TCEANC: variants seen among roughly 807,000 people sequenced by gnomAD.
TCEANC encodes transcription elongation factor A N-terminal and central domain-containing protein.
TCEANC carries 8 observed loss-of-function variants against 8.7 expected under a neutral mutation model. The ratio of observed to expected loss-of-function variants is 0.92; its 90% CI spans 0.54 to 1.65. TCEANC has a LOEUF of 1.65. Among genes scored for constraint, TCEANC ranks in the 40% most tolerant of loss-of-function variants. The pLI is 0.00. For synonymous variants in TCEANC, 78 were observed against 92.9 expected (o/e 0.84, Z 0.92); for missense variants, 255 against 251.9 (o/e 1.01, Z -0.08).
chrX:13,664,524 G>T (rs1251087025), exon 2 of TCEANC: 1 of 122,852 alleles, frequency 8.1e-6, no homozygotes, highest in African/African-American at 3.3e-5. Context: ...TTTCGTAGTT[G>T]TTTTTTGTTT....
At chrX:13,655,071 C>T (rs751544964), upstream of TCEANC, among the ~76,000 whole-genome samples, 3 of 111,214 alleles carry the variant, frequency 2.7e-5, no homozygotes, top group Non-Finnish European at 5.6e-5. Flanking sequence ...TTAACAACAA[C>T]AAAAATGTGT....
intron 1 of TCEANC, among the ~76,000 whole-genome samples, chrX:13,657,668 C>G (rs1326498231): frequency 9.1e-6 from 1 of 109,299 alleles, no homozygotes; most frequent in African/African-American, 3.3e-5. Context: ...AGTAGCCGGG[C>G]GTGGTGGCAC....
At chrX:13,662,619 T>C in exon 2 of TCEANC, 2 of 1,211,859 alleles carry the variant, frequency 1.7e-6, no homozygotes, top group Non-Finnish European at 2.2e-6. Context: ...AAACAATTTA[T>C]GTGACTAAGG....
intron 1 of TCEANC, among the ~76,000 whole-genome samples, chrX:13,658,730 A>T (rs774900764): frequency 9.0e-6 from 1 of 111,718 alleles, no homozygotes; most frequent in African/African-American, 3.3e-5. Flanking sequence ...ACTGCATCTC[A>T]AACAGGTGCA....
In TCEANC at chrX:13,662,500, G is replaced by A. The variant is rs757704577; in HGVS notation, c.-8-1G>A. 5.5e-5 allele frequency: 66 copies of A among 1,189,846 alleles called. No homozygotes were observed. Among genetic ancestry groups the A allele is most frequent in the Non-Finnish European group, 7.4e-5 (66 of 887,039 alleles). On this transcript the variant is annotated splice_acceptor_variant, in intron 1 of 1. Transcript: ENST00000380600. LOFTEE classifies it low-confidence loss of function (5UTR_SPLICE). ...AACTGAAACCTCTTTTTTCTTTGCA[G>A]CTGTAAAGATGTCTGACAAGAACCA...
At chrX:13,663,190 G>T (rs768724105) in exon 2 of TCEANC, 3 of 1,205,638 alleles carry the variant, frequency 2.5e-6, no homozygotes, top group African/African-American at 3.5e-5. Flanking sequence ...CAGAAGCAAA[G>T]TTGCCAATTT....
At chrX:13,664,795 A>G (rs1602682461) in exon 2 of TCEANC, 1 of 123,749 alleles carries the variant, frequency 8.1e-6, no homozygotes, top group South Asian at 3.7e-4. Flanking sequence ...ACCAGTTTAT[A>G]TAATTGTTTG....
At chrX:13,656,292 G>A (rs1053703112) in intron 1 of TCEANC, among the ~76,000 whole-genome samples, 2 of 112,382 alleles carry the variant, frequency 1.8e-5, no homozygotes, top group African/African-American at 6.5e-5. Flanking sequence ...TTTAGGCTCA[G>A]CATCTAGCAC....
exon 2 of TCEANC, chrX:13,663,717 A>C: frequency 1.9e-6 from 1 of 524,823 alleles, no homozygotes; most frequent in Non-Finnish European, 3.0e-6. Flanking sequence ...ACCATCCCTA[A>C]AAGTTACAGT....
chrX:13,662,966 A>T, exon 2 of TCEANC: 1 of 1,211,377 alleles, frequency 8.3e-7, no homozygotes, highest in Non-Finnish European at 1.1e-6. Context: ...CATTTTGGGG[A>T]TGGTGACCCT....
chrX:13,655,302 A>G (rs780700285), exon 1 of TCEANC: 1 of 112,378 alleles, frequency 8.9e-6, no homozygotes, highest in East Asian at 2.8e-4. Flanking sequence ...TATTGTGAGG[A>G]TTGAGATGAC....
exon 2 of TCEANC, chrX:13,662,796 G>T: frequency 8.3e-7 from 1 of 1,211,031 alleles, no homozygotes; most frequent in Non-Finnish European, 1.1e-6. Flanking sequence ...TTCCTGTGAG[G>T]GGTAATAAAG....
chrX:13,663,401 G>C (rs1201294631), exon 2 of TCEANC: 4 of 1,185,971 alleles, frequency 3.4e-6, no homozygotes, highest in Admixed American at 2.4e-5. Flanking sequence ...ATAAAATGCA[G>C]ACGCTGTGAG....
At position 13,657,834 on chromosome X, in the gene TCEANC, C is replaced by T. The variant is rs974680969; in HGVS notation, c.-9+2461C>T. On this transcript the variant is annotated intron_variant, in intron 1 of 1. Transcript: ENST00000380600. ...AAAAAAAAAAAAAAAAAAACACACA[C>T]ACACTTGTACACAAATGTTCATAGC... Among the ~76,000 whole-genome samples the T allele has an allele frequency of 4.1e-5, 4 of 98,702 alleles. No homozygotes were observed. The East Asian group carries it at 1.3e-3, about 31-fold the overall frequency. The allele number at this position is 98,702 out of a possible 115,157, so 85.7% of individuals were successfully genotyped here. A position where few individuals can be genotyped will look rare whatever the true frequency, so the allele number is the denominator to read the frequency against.
chrX:13,656,866 A>G (rs1412478041), intron 1 of TCEANC, among the ~76,000 whole-genome samples: 2 of 112,934 alleles, frequency 1.8e-5, no homozygotes, highest in African/African-American at 3.2e-5. Flanking sequence ...GAAATACTGT[A>G]TGATTCCACT....
At chrX:13,653,548 A>G (rs1163016362), upstream of TCEANC, among the ~76,000 whole-genome samples, 1 of 111,624 alleles carries the variant, frequency 9.0e-6, no homozygotes, top group African/African-American at 3.3e-5. Context: ...ATTAAGGGAA[A>G]TGGTCCTAGT....
chrX:13,665,385 CAAAT>C (rs1043202939), exon 2 of TCEANC: 2 of 123,107 alleles, frequency 1.6e-5, no homozygotes, highest in African/African-American at 6.5e-5. Flanking sequence ...AATGTTCAGA[CAAAT>C]AAAAGTAATT....
exon 2 of TCEANC, chrX:13,662,818 G>A: frequency 8.3e-7 from 1 of 1,211,333 alleles, no homozygotes; most frequent in South Asian, 1.8e-5. Context: ...AGAAAATTCA[G>A]GACCTTCTCA....
intron 1 of TCEANC, among the ~76,000 whole-genome samples, chrX:13,657,102 C>T (rs1206527539): frequency 1.8e-5 from 2 of 112,001 alleles, no homozygotes; most frequent in Non-Finnish European, 1.9e-5. Flanking sequence ...TAATCACCAC[C>T]GAACATACAC....
Sources: allele counts gnomAD v4.1 joint callset (sites outside exome capture counted in the v4.1 genomes callset), GRCh38; gene constraint gnomAD v4.1.1; transcripts MANE v1.5; gene names NCBI Gene and HGNC (gene_info 2026-07-23, HGNC 2026-07-21).